The following ADGRG5 variants were observed in gnomAD, a reference collection of about 807,000 sequenced individuals.
ADGRG5 encodes the protein adhesion G protein-coupled receptor G5.
A neutral mutation model predicts 53.2 loss-of-function variants in ADGRG5; 37 were observed. The observed-to-expected ratio is 0.70, with a 90% CI of 0.53 to 0.91. The LOEUF is 0.91. ADGRG5 is among the 40% of genes least tolerant of loss of function. The probability of loss-of-function intolerance (pLI) is 0.00; values close to 1 mark genes in which losing one functional copy is unlikely to be tolerated. For missense variants in ADGRG5, 614 were observed against 675.8 expected, an observed-to-expected ratio of 0.91 and a Z score of 1.01; for synonymous variants, 277 against 290.4, an observed-to-expected ratio of 0.95 and a Z score of 0.47.
chr16:57,562,483 C>G (rs2033028315), intron 3 of ADGRG5, 24 bp downstream of exon 3: 2 of 1,532,940 alleles, frequency 1.3e-6, no homozygotes, highest in Admixed American at 1.9e-5. Context: ...GCCTCCCACC[C>G]CAAGCCTGCA....
Position 57,553,692 on chromosome 16 carries a change from A to G in ADGRG5, c.-38-8364A>G, listed in dbSNP as rs2032805458. Among the ~76,000 whole-genome samples the G allele has an allele frequency of 5.9e-5, 9 of 152,334 alleles. No homozygotes were observed. The South Asian group carries it at 1.9e-3, about 32-fold the overall frequency. ...CTTTGTTTTTACATATAAATTTTAC[A>G]GTCAGCTTGTCATTTTCTAAAAAAT... On this transcript the variant is annotated intron_variant, in intron 1 of 11. Transcript: ENST00000349457.
At chr16:57,538,046 G>A (rs1286930548), upstream of ADGRG5, among the ~76,000 whole-genome samples, 1 of 152,130 alleles carries the variant, frequency 6.6e-6, no homozygotes, top group Non-Finnish European at 1.5e-5. Context: ...AATGGGGCTG[G>A]GGAAGGTGGT....
At position 57,574,672 on chromosome 16, in the gene ADGRG5, G is replaced by T; in HGVS notation, c.1209-143G>T. On this transcript the variant is annotated intron_variant, in intron 10 of 11. Transcript: ENST00000349457. The surrounding 1 kb of genome is among the most constrained non-coding windows in gnomAD (Gnocchi z 4.4). The stretch of plus-strand genomic sequence containing the variant: ...GATGGTGGCCTGGCTGGAAAGCCGG[G>T]TGAGGGGTTTCACTGTGTGTTCAGT... 1 of 868,174 alleles carries T rather than the reference G, an allele frequency of 1.2e-6. No homozygotes were observed. The highest frequency in any genetic ancestry group is 2.2e-5 in the South Asian group (1 of 44,558). 53.8% of individuals were successfully genotyped at this position (868,174 alleles called of 1,614,324 possible).
intron 5 of ADGRG5, among the ~76,000 whole-genome samples, 164 bp from the exon 6 acceptor site, chr16:57,564,870 G>T (rs2033092480): frequency 6.6e-6 from 1 of 152,010 alleles, no homozygotes; most frequent in Admixed American, 6.6e-5. Context: ...ACATGCAAAG[G>T]CTGGGAGGCT....
At chr16:57,559,742 G>A (rs2032959602) in intron 1 of ADGRG5, among the ~76,000 whole-genome samples, 2 of 148,672 alleles carry the variant, frequency 1.3e-5, no homozygotes, top group African/African-American at 2.6e-5. Context: ...TCTCCAGTAG[G>A]CTAAAAAAAA....
At chr16:57,562,276 G>A (rs1459365053) in intron 2 of ADGRG5, 108 bp from the exon 3 acceptor site, 2 of 1,396,330 alleles carry the variant, frequency 1.4e-6, no homozygotes, top group Non-Finnish European at 1.0e-6. Flanking sequence ...CCTGGGGGCA[G>A]CAGGAGCTGC....
At chr16:57,529,268 G>A in the ADGRG5 span, 1 of 1,118,412 alleles carries the variant, frequency 8.9e-7, no homozygotes, top group Non-Finnish European at 1.1e-6. This position sits in a 1 kb window ranked among gnomAD's most constrained non-coding sequence, Gnocchi z 4.1. Context: ...AACTGTGCAT[G>A]ATGACGCCGT....
At chr16:57,555,449 T>C (rs1333688557) in intron 1 of ADGRG5, among the ~76,000 whole-genome samples, 1 of 152,220 alleles carries the variant, frequency 6.6e-6, no homozygotes, top group Non-Finnish European at 1.5e-5. Flanking sequence ...TCCATGATTA[T>C]ATACCCAGTC....
At chr16:57,549,188 G>A (rs1292590456) in intron 1 of ADGRG5, among the ~76,000 whole-genome samples, 2 of 152,166 alleles carry the variant, frequency 1.3e-5, no homozygotes, top group Non-Finnish European at 2.9e-5. Context: ...ATAAGAATGA[G>A]TTTCCTGGCT....
At chr16:57,562,764 G>T (rs1358791915) in intron 3 of ADGRG5, among the ~76,000 whole-genome samples, 1 of 152,186 alleles carries the variant, frequency 6.6e-6, no homozygotes, top group Non-Finnish European at 1.5e-5. Flanking sequence ...ATGACCCAAA[G>T]ACTGAGCAGC....
chr16:57,535,790 C>A, the ADGRG5 span, among the ~76,000 whole-genome samples: 6 of 152,168 alleles, frequency 3.9e-5, no homozygotes, highest in African/African-American at 1.4e-4. Flanking sequence ...TGGGGAGAGG[C>A]ACTAAAAAGA....
intron 1 of ADGRG5, among the ~76,000 whole-genome samples, chr16:57,555,395 G>T (rs1417434289): frequency 1.3e-5 from 2 of 152,038 alleles, no homozygotes. Context: ...TTTTTCCCCT[G>T]CTAGCCATTC....
chr16:57,531,557 G>A, the ADGRG5 span, among the ~76,000 whole-genome samples: 128,195 of 152,016 alleles, frequency 0.84, 54,156 homozygotes, highest in East Asian at 0.99. Flanking sequence ...GTGAGTTCTT[G>A]TAAGAACCTG....
chr16:57,560,885 A>T (rs1470856497), intron 1 of ADGRG5, among the ~76,000 whole-genome samples: 1 of 152,090 alleles, frequency 6.6e-6, no homozygotes, highest in African/African-American at 2.4e-5. Context: ...CCTGGGCAGG[A>T]TCCACCTCAC....
At chr16:57,542,763 G>T (rs1289063388) in intron 1 of ADGRG5, 62 bp downstream of exon 1, 2 of 152,304 alleles carry the variant, frequency 1.3e-5, no homozygotes, top group African/African-American at 4.8e-5. Context: ...TTATCCACAG[G>T]CCCCTCAGTG....
In ADGRG5 at chr16:57,575,132, G is replaced by C. The variant is rs200051014; in HGVS notation, c.1486+40G>C. 2.0e-4 allele frequency: 322 copies of C among 1,582,232 alleles called. 1 individual carries two copies. The highest frequency in any genetic ancestry group is 1.6e-4 in the Non-Finnish European group (188 of 1,164,584). On this transcript the variant is annotated intron_variant, in intron 11 of 11. Coordinates refer to ENST00000349457, the MANE Select transcript of ADGRG5 (RefSeq NM_001304376.3). The stretch of plus-strand genomic sequence containing the variant: ...CGGCCTGGAGGAAGCTACCTGGCAG[G>C]GGGTGTATGGCTGGTGGGATGTTCA...
In ADGRG5 at chr16:57,576,677, C is replaced by G. The variant is rs1456017558; in HGVS notation, c.*1139C>G. On this transcript the variant is annotated 3_prime_UTR_variant, in exon 12 of 12. Transcript: ENST00000349457. ...AGGGGCCGTAACTGCAGGACTGCGCCTACTGAGTGACCCATTTCCTCCAGG... is the reference window on the plus strand; with the variant it reads ...AGGGGCCGTAACTGCAGGACTGCGCGTACTGAGTGACCCATTTCCTCCAGG... 3 of 152,240 alleles carry G rather than the reference C, an allele frequency of 2.0e-5. No individual in the cohort carries two copies. 9.4% of individuals were successfully genotyped at this position (152,240 alleles called of 1,614,324 possible).
intron 1 of ADGRG5, among the ~76,000 whole-genome samples, chr16:57,551,594 T>A (rs1302114687): frequency 6.6e-6 from 1 of 152,224 alleles, no homozygotes; most frequent in Non-Finnish European, 1.5e-5. Context: ...GATCCACTAC[T>A]AATTCTAGTT....
intron 6 of ADGRG5, chr16:57,565,424 A>G (rs1381163890): frequency 4.5e-6 from 2 of 449,294 alleles, no homozygotes; most frequent in Admixed American, 7.9e-5. Flanking sequence ...GAGGTGATCC[A>G]CCAGCTTCAG....
Sources: allele counts gnomAD v4.1 joint callset (sites outside exome capture counted in the v4.1 genomes callset), GRCh38; gene constraint gnomAD v4.1.1; non-coding constraint Gnocchi (gnomAD v3.1); transcripts MANE v1.5; gene names NCBI Gene and HGNC (gene_info 2026-07-23, HGNC 2026-07-21).